VEPH1: variants seen among roughly 807,000 people sequenced by gnomAD.
VEPH1 encodes the protein ventricular zone-expressed PH domain-containing protein homolog 1.
Under a neutral mutation model 85.2 loss-of-function variants are expected in VEPH1, and 80 were observed. The observed-to-expected ratio is 0.94, with a 90% CI of 0.78 to 1.13. The LOEUF (loss-of-function observed/expected upper bound fraction) is 1.13, where lower values mean the gene tolerates loss of function less well. Among genes scored for constraint, VEPH1 ranks in the 50% most tolerant of loss-of-function variants. The pLI is 0.00. For missense variants in VEPH1, 955 were observed against 980.5 expected, an observed-to-expected ratio of 0.97 and a Z score of 0.35; for synonymous variants, 297 against 348.0, an observed-to-expected ratio of 0.85 and a Z score of 1.63.
At chr3:157,341,121 T>TC (rs1168149758) in intron 9 of VEPH1, among the ~76,000 whole-genome samples, 2 of 152,064 alleles carry the variant, frequency 1.3e-5, no homozygotes, top group African/African-American at 4.8e-5. Flanking sequence ...AGAGAGCCTC[T>TC]CCCCCTCCAA....
intron 1 of VEPH1, among the ~76,000 whole-genome samples, chr3:157,498,978 A>G (rs1486529998): frequency 6.6e-6 from 1 of 152,198 alleles, no homozygotes; most frequent in Non-Finnish European, 1.5e-5. Context: ...GCTAGACACT[A>G]GATGCTTTCT....
intron 9 of VEPH1, among the ~76,000 whole-genome samples, chr3:157,330,539 T>G (rs1722382872): frequency 6.6e-6 from 1 of 152,180 alleles, no homozygotes; most frequent in African/African-American, 2.4e-5. Context: ...TCATTATTAT[T>G]GAGTCCTGGA....
intron 4 of VEPH1, among the ~76,000 whole-genome samples, chr3:157,438,171 G>A: frequency 6.6e-6 from 1 of 152,064 alleles, no homozygotes; most frequent in East Asian, 1.9e-4. Context: ...GAGCCCTAAA[G>A]AGAGTTGTGG....
At chr3:157,455,957 T>C (rs1053819401) in intron 4 of VEPH1, among the ~76,000 whole-genome samples, 11 of 152,170 alleles carry the variant, frequency 7.2e-5, no homozygotes, top group African/African-American at 2.7e-4. Flanking sequence ...ATGGGATTGC[T>C]GAGTTGATTG....
At chr3:157,349,913 A>G (rs1424100507) in intron 9 of VEPH1, among the ~76,000 whole-genome samples, 1 of 152,202 alleles carries the variant, frequency 6.6e-6, no homozygotes, top group African/African-American at 2.4e-5. Context: ...TGCTCATCAG[A>G]AGAATTAATA....
chr3:157,401,520 C>A (rs1160349459), intron 6 of VEPH1, among the ~76,000 whole-genome samples: 1 of 152,008 alleles, frequency 6.6e-6, no homozygotes, highest in Non-Finnish European at 1.5e-5. Flanking sequence ...AGATGTAACA[C>A]CCAAAATACA....
chr3:157,487,141 A>T (rs1738725311), intron 2 of VEPH1, among the ~76,000 whole-genome samples: 1 of 152,110 alleles, frequency 6.6e-6, no homozygotes, highest in Non-Finnish European at 1.5e-5. Flanking sequence ...AGCTACAGAA[A>T]GTACAAAAAG....
At chr3:157,307,630 CAT>C (rs966978833) in intron 11 of VEPH1, among the ~76,000 whole-genome samples, 2 of 151,886 alleles carry the variant, frequency 1.3e-5, no homozygotes, top group African/African-American at 2.4e-5. Context: ...GAAATAATCA[CAT>C]GAGTTTTCTC....
intron 2 of VEPH1, among the ~76,000 whole-genome samples, chr3:157,479,590 A>G (rs557301591): frequency 6.6e-6 from 1 of 152,288 alleles, no homozygotes; most frequent in African/African-American, 2.4e-5. Flanking sequence ...GAAAGAAAAG[A>G]ATGGAGAGTC....
chr3:157,404,171 A>T (rs1279217193), intron 6 of VEPH1, among the ~76,000 whole-genome samples: 2 of 152,148 alleles, frequency 1.3e-5, no homozygotes, highest in Non-Finnish European at 1.5e-5. Context: ...GCCAAGTTTC[A>T]GTCTCTATGG....
chr3:157,312,343 C>T (rs1317428428), intron 11 of VEPH1, among the ~76,000 whole-genome samples: 2 of 152,140 alleles, frequency 1.3e-5, no homozygotes, highest in Non-Finnish European at 2.9e-5. Flanking sequence ...AGATTAATAA[C>T]CATTCTTTTC....
At chr3:157,371,852 T>G (rs974914318) in intron 7 of VEPH1, among the ~76,000 whole-genome samples, 5 of 152,218 alleles carry the variant, frequency 3.3e-5, no homozygotes, top group Non-Finnish European at 5.9e-5. Context: ...CTGGTTCAGA[T>G]GGACCCCGAA....
chr3:157,303,586 T>G (rs944408593), intron 11 of VEPH1, among the ~76,000 whole-genome samples: 4 of 152,218 alleles, frequency 2.6e-5, no homozygotes, highest in African/African-American at 9.6e-5. Context: ...TCTACCACTT[T>G]CCAGCCAGCT....
In VEPH1 at chr3:157,490,837, T is replaced by C. The variant is rs558504889; in HGVS notation, c.138+4375A>G. 1.1e-4 allele frequency among the ~76,000 whole-genome samples: 16 copies of C among 152,230 alleles called. 2 individuals carry two copies. The South Asian group carries it at 3.1e-3, about 30-fold the overall frequency. On this transcript the variant is annotated intron_variant, in intron 2 of 13. Coordinates refer to ENST00000362010, the MANE Select transcript of VEPH1 (RefSeq NM_001167912.2). ...AGAAATAATTGGCCAAAATTGCCAA[T>C]TACAACAATGTTTACTGTAGCACTG...
intron 6 of VEPH1, among the ~76,000 whole-genome samples, chr3:157,409,254 C>T (rs1248177722): frequency 6.6e-6 from 1 of 152,058 alleles, no homozygotes; most frequent in Admixed American, 6.6e-5. Context: ...GACAAAATGA[C>T]CCATGTATTT....
At chr3:157,274,388 G>A (rs966676331) in intron 12 of VEPH1, among the ~76,000 whole-genome samples, 9 of 152,208 alleles carry the variant, frequency 5.9e-5, no homozygotes, top group South Asian at 2.1e-4. Flanking sequence ...AGAATTCAGA[G>A]TAAGAGAGGG....
At chr3:157,440,679 C>T (rs1277682913) in intron 4 of VEPH1, among the ~76,000 whole-genome samples, 1 of 151,652 alleles carries the variant, frequency 6.6e-6, no homozygotes, top group Non-Finnish European at 1.5e-5. Flanking sequence ...TATACGTATA[C>T]ATACATATAT....
intron 4 of VEPH1, among the ~76,000 whole-genome samples, chr3:157,433,922 T>C (rs1184812623): frequency 6.6e-6 from 1 of 152,150 alleles, no homozygotes; most frequent in East Asian, 1.9e-4. Flanking sequence ...TTGGCAGGCT[T>C]TTTTTTCGCA....
chr3:157,365,629 A>G lies in VEPH1; in HGVS notation c.1128-1117T>C, dbSNP rs542494942. ...TCAACTTGGCTACAAAGGTTCCTGCACCACCCCACCCCCATGGTTCAATAA... is the reference window on the plus strand; with the variant it reads ...TCAACTTGGCTACAAAGGTTCCTGCGCCACCCCACCCCCATGGTTCAATAA... On this transcript the variant is annotated intron_variant, in intron 7 of 13. Transcript: ENST00000362010. Among the ~76,000 whole-genome samples the G allele has an allele frequency of 1.2e-3, 185 of 152,188 alleles. 1 individual carries two copies. Among genetic ancestry groups the G allele is most frequent in the African/African-American group, 3.9e-3 (160 of 41,504 alleles).
Sources: allele counts gnomAD v4.1 joint callset (sites outside exome capture counted in the v4.1 genomes callset), GRCh38; gene constraint gnomAD v4.1.1; transcripts MANE v1.5; gene names NCBI Gene and HGNC (gene_info 2026-07-23, HGNC 2026-07-21).